CFAP61: variants seen among roughly 807,000 people sequenced by gnomAD.
CFAP61 encodes cilia and flagella associated protein 61, also known as cilia- and flagella-associated protein 61.
A neutral mutation model predicts 135.6 loss-of-function variants in CFAP61; 107 were observed. The observed-to-expected ratio is 0.79, with a 90% CI of 0.67 to 0.93. The LOEUF is 0.93. CFAP61 is among the 40% of genes least tolerant of loss of function. The pLI is 0.00. For synonymous variants in CFAP61, 575 were observed against 578.5 expected (o/e 0.99, Z 0.09); for missense variants, 1,507 against 1,556.2 (o/e 0.97, Z 0.53).
chr20:20,319,533 C>A lies in CFAP61; in HGVS notation c.3422+21147C>A, dbSNP rs1040241178. Among the ~76,000 whole-genome samples, 10 of 152,286 alleles carry A rather than the reference C, an allele frequency of 6.6e-5. No homozygotes were observed. In the South Asian group the frequency reaches 1.0e-3, roughly 16 times the overall value. Reference sequence around the variant, plus strand: ...GTGGTTGTTTAAAAGTGCGTAGCACCTCCCCTTCTCTCTTCCTCCTGCTCT... The same window carrying A: ...GTGGTTGTTTAAAAGTGCGTAGCACATCCCCTTCTCTCTTCCTCCTGCTCT... On this transcript the variant is annotated intron_variant, in intron 25 of 26. Coordinates refer to ENST00000245957, the MANE Select transcript of CFAP61 (RefSeq NM_015585.4).
chr20:20,140,965 T>A (rs529820178), intron 8 of CFAP61, among the ~76,000 whole-genome samples: 1 of 151,826 alleles, frequency 6.6e-6, no homozygotes, highest in South Asian at 2.1e-4. Context: ...CTCTGTCATC[T>A]AGGCTATAGT....
chr20:20,135,557 C>T (rs1042651584), intron 8 of CFAP61, among the ~76,000 whole-genome samples: 6 of 152,120 alleles, frequency 3.9e-5, no homozygotes, highest in Non-Finnish European at 7.3e-5. Context: ...AGGGATGAGG[C>T]TTGCAAATAA....
At chr20:20,089,981 G>T (rs1179220613) in intron 6 of CFAP61, among the ~76,000 whole-genome samples, 1 of 152,226 alleles carries the variant, frequency 6.6e-6, no homozygotes, top group African/African-American at 2.4e-5. Flanking sequence ...GCTTCTCAGA[G>T]TCTTTAATAT....
chr20:20,330,839 T>A (rs1301758999), intron 25 of CFAP61, among the ~76,000 whole-genome samples: 2 of 152,218 alleles, frequency 1.3e-5, no homozygotes, highest in Non-Finnish European at 2.9e-5. Flanking sequence ...TTCAAGAGAA[T>A]GTCCTCTCTC....
intron 25 of CFAP61, among the ~76,000 whole-genome samples, chr20:20,298,840 T>C (rs2055846437): frequency 6.6e-6 from 1 of 152,214 alleles, no homozygotes; most frequent in Admixed American, 6.5e-5. Flanking sequence ...CCCAGGGTGG[T>C]CATTTGTCCA....
chr20:20,104,238 T>C (rs1340548198), intron 8 of CFAP61, among the ~76,000 whole-genome samples: 6 of 152,144 alleles, frequency 3.9e-5, no homozygotes, highest in African/African-American at 1.4e-4. Context: ...AACATCGCAA[T>C]ATTGCCTTTA....
At chr20:20,111,725 A>G (rs1425374718) in intron 8 of CFAP61, among the ~76,000 whole-genome samples, 2 of 152,212 alleles carry the variant, frequency 1.3e-5, no homozygotes, top group African/African-American at 4.8e-5. Context: ...TTCTGTTTAC[A>G]AAAGCATAAT....
At chr20:20,145,971 T>C (rs1021089147) in intron 9 of CFAP61, among the ~76,000 whole-genome samples, 1 of 152,214 alleles carries the variant, frequency 6.6e-6, no homozygotes, top group Non-Finnish European at 1.5e-5. Flanking sequence ...TAAAGAAGAT[T>C]TTAATGACAG....
At chr20:20,103,146 T>C (rs1728237897) in intron 8 of CFAP61, among the ~76,000 whole-genome samples, 1 of 152,182 alleles carries the variant, frequency 6.6e-6, no homozygotes, top group African/African-American at 2.4e-5. Flanking sequence ...TTTCAGGATC[T>C]ATTTTTGGAG....
At chr20:20,219,524 C>T (rs2048259915) in intron 17 of CFAP61, among the ~76,000 whole-genome samples, 1 of 152,120 alleles carries the variant, frequency 6.6e-6, no homozygotes, top group Non-Finnish European at 1.5e-5. Flanking sequence ...ATCATATGTC[C>T]CACCATTTAT....
At chr20:20,166,249 C>T (rs530679615) in intron 11 of CFAP61, 148 bp from the exon 12 acceptor site, 3 of 606,702 alleles carry the variant, frequency 4.9e-6, no homozygotes, top group East Asian at 2.8e-5. Context: ...GCGACTTATG[C>T]ACCCCATTAG....
rs1049610037 is a variant in CFAP61, at chr20:20,233,150, G to A, written c.2060+4774G>A. On this transcript the variant is annotated intron_variant, in intron 18 of 26. Coordinates refer to ENST00000245957, the MANE Select transcript of CFAP61 (RefSeq NM_015585.4). ...GGCCGTGCAGTTCCGCACAATATCC[G>A]GCACAGCTGTGGGCTCTGGCAGCAG... is the stretch of plus-strand genomic sequence containing the variant. Among the ~76,000 whole-genome samples the A allele has an allele frequency of 2.0e-5, 3 of 152,306 alleles. 1 individual carries two copies. The highest frequency in any genetic ancestry group is 1.3e-4 in the Admixed American group (2 of 15,306).
intron 2 of CFAP61, 110 bp downstream of exon 2, chr20:20,056,906 C>A: frequency 1.1e-6 from 1 of 951,492 alleles, no homozygotes; most frequent in Non-Finnish European, 1.6e-6. Context: ...TCACCTGAGG[C>A]CAGGAGTTCA....
chr20:20,090,992 A>G lies in CFAP61; in HGVS notation c.699+16A>G. On this transcript the variant is annotated intron_variant, in intron 7 of 26. Transcript: ENST00000245957. ...TGTGTGTGAGGTCAGTGACTGATTC[A>G]TGTGGGAACACACTTAGTGAGAGGA... 4 of 1,613,726 alleles carry G rather than the reference A, an allele frequency of 2.5e-6. No individual in the cohort carries two copies. The highest frequency in any genetic ancestry group is 3.4e-6 in the Non-Finnish European group (4 of 1,179,700).
At chr20:20,248,093 T>A (rs6035590) in intron 19 of CFAP61, among the ~76,000 whole-genome samples, 92,079 of 152,116 alleles carry the variant, frequency 0.61, 28,300 homozygotes, top group East Asian at 0.74. Context: ...AATACCTGGG[T>A]CAGTCCTTGG....
At chr20:20,070,410 C>T (rs1001307927) in intron 2 of CFAP61, among the ~76,000 whole-genome samples, 1 of 152,074 alleles carries the variant, frequency 6.6e-6, no homozygotes, top group Non-Finnish European at 1.5e-5. Context: ...TCCTAGTTTG[C>T]CCAGGACTTT....
chr20:20,278,750 G>A, intron 22 of CFAP61, among the ~76,000 whole-genome samples: 1 of 152,012 alleles, frequency 6.6e-6, no homozygotes, highest in African/African-American at 2.4e-5. Context: ...GCAGACCACT[G>A]AAAAAGACTA....
intron 24 of CFAP61, among the ~76,000 whole-genome samples, chr20:20,295,474 C>A (rs2055352684): frequency 6.6e-6 from 1 of 152,172 alleles, no homozygotes; most frequent in South Asian, 2.1e-4. Flanking sequence ...GCCACCCCTC[C>A]TCAGAACTCG....
intron 13 of CFAP61, among the ~76,000 whole-genome samples, chr20:20,178,795 T>C (rs180893438): frequency 6.6e-6 from 1 of 152,298 alleles, no homozygotes; most frequent in East Asian, 1.9e-4. Context: ...CGTCAGTCCT[T>C]GGCCCCTTCT....
Sources: gnomAD v4.1 joint callset for allele counts (sites outside exome capture counted in the v4.1 genomes callset) on GRCh38, gnomAD v4.1.1 for gene constraint, MANE v1.5 for transcripts, NCBI Gene and HGNC (gene_info 2026-07-23, HGNC 2026-07-21) for gene names.